Variants in LPXN observed in about 807,000 individuals in gnomAD.
The protein encoded by LPXN is leupaxin.
LPXN carries 28 observed loss-of-function variants against 45.6 expected under a neutral mutation model. That is an observed-to-expected ratio of 0.61 (90% CI 0.45 to 0.84). The LOEUF (loss-of-function observed/expected upper bound fraction) is 0.84, where lower values mean the gene tolerates loss of function less well. LPXN is among the 40% of genes least tolerant of loss of function. The probability of loss-of-function intolerance (pLI) is 0.00; values close to 1 mark genes in which losing one functional copy is unlikely to be tolerated. For missense variants in LPXN, 459 were observed against 475.0 expected (o/e 0.97, Z 0.31); for synonymous variants, 166 against 169.9 (o/e 0.98, Z 0.18).
rs200095059 is a variant in LPXN at position 58,570,646 on chromosome 11, A to T, written c.81T>A (p.Pro27=). Residue 27 remains proline, a synonymous_variant, in exon 2 of 9, where the codon CCT becomes CCA. Transcript: ENST00000395074. ...QDSDEYSNPA[P]LPLDQHSRKE... ...TTCTGGAATGCTGATCCAGGGGAAG[A>T]GGAGCTGGGTTGGAATATTCATCAC... 4 of 1,613,948 alleles carry T rather than the reference A, an allele frequency of 2.5e-6. No individual in the cohort carries two copies. The highest frequency in any genetic ancestry group is 3.4e-6 in the Non-Finnish European group (4 of 1,179,932).
upstream of LPXN, among the ~76,000 whole-genome samples, chr11:58,578,784 C>T (rs1855004840): frequency 6.6e-6 from 1 of 151,944 alleles, no homozygotes; most frequent in Admixed American, 6.5e-5. Flanking sequence ...TTTCTTCTCA[C>T]CCGCCTCCCT....
At chr11:58,550,178 G>A in intron 5 of LPXN, 32 bp from the exon 6 acceptor site, 1 of 1,601,644 alleles carries the variant, frequency 6.2e-7, no homozygotes, top group Admixed American at 1.7e-5. Context: ...GACACAGGAG[G>A]CCAGTTGAGT....
chr11:58,535,301 C>G (rs1853516512), intron 7 of LPXN, among the ~76,000 whole-genome samples: 1 of 152,160 alleles, frequency 6.6e-6, no homozygotes, highest in Admixed American at 6.5e-5. Context: ...AATCCAGCAG[C>G]ATATCAAAAA....
At chr11:58,555,692 T>TA (rs1854179442) in intron 3 of LPXN, among the ~76,000 whole-genome samples, 1 of 151,538 alleles carries the variant, frequency 6.6e-6, no homozygotes, top group Non-Finnish European at 1.5e-5. Context: ...ATTCTTGGGA[T>TA]AAAAAAATTA....
upstream of LPXN, chr11:58,578,366 T>A (rs556179204): frequency 1.1e-4 from 23 of 217,628 alleles, no homozygotes; most frequent in East Asian, 7.3e-4. Context: ...CATCTATTTT[T>A]CCTAAAGCCT....
intron 7 of LPXN, among the ~76,000 whole-genome samples, chr11:58,546,624 T>C (rs977323617): frequency 6.6e-6 from 1 of 152,066 alleles, no homozygotes; most frequent in Admixed American, 6.5e-5. Context: ...ATGGCCAGAG[T>C]ATCTTACCTG....
chr11:58,548,260 T>C (rs11229524), intron 7 of LPXN, among the ~76,000 whole-genome samples: 1,913 of 152,236 alleles, frequency 0.013, 21 homozygotes, highest in South Asian at 0.05. Context: ...GGTGGTAACA[T>C]GTATAAAACA....
chr11:58,567,324 T>A (rs1023620550), intron 2 of LPXN, among the ~76,000 whole-genome samples: 2 of 152,220 alleles, frequency 1.3e-5, no homozygotes, highest in African/African-American at 4.8e-5. Context: ...GACTAGGAAA[T>A]AAATTTTCAC....
intron 7 of LPXN, among the ~76,000 whole-genome samples, chr11:58,530,396 G>A (rs879627221): frequency 2.0e-5 from 3 of 152,194 alleles, no homozygotes; most frequent in Non-Finnish European, 4.4e-5. Flanking sequence ...GGCTTGAGCA[G>A]GTGGTTTTAC....
chr11:58,575,962 TAC>T (rs1378367980), upstream of LPXN: 12 of 1,420,778 alleles, frequency 8.4e-6, no homozygotes, highest in East Asian at 5.1e-5. Flanking sequence ...TTTCATAGGT[TAC>T]ACAGTTTTAA....
intron 7 of LPXN, among the ~76,000 whole-genome samples, chr11:58,530,064 G>A (rs1310859394): frequency 6.6e-6 from 1 of 152,224 alleles, no homozygotes; most frequent in Non-Finnish European, 1.5e-5. Flanking sequence ...TCCCTCTTGT[G>A]CCTACGCCAC....
At chr11:58,548,050 T>G (rs1321977879) in intron 7 of LPXN, among the ~76,000 whole-genome samples, 1 of 151,918 alleles carries the variant, frequency 6.6e-6, no homozygotes, top group Non-Finnish European at 1.5e-5. Context: ...TAAAAAAAAT[T>G]TAATAAAAAC....
At chr11:58,578,195 T>G, upstream of LPXN, 1 of 1,029,570 alleles carries the variant, frequency 9.7e-7, no homozygotes, top group Non-Finnish European at 1.4e-6. Flanking sequence ...AGACCAGCAA[T>G]TGGCTCGACG....
intron 7 of LPXN, among the ~76,000 whole-genome samples, chr11:58,534,297 A>G (rs185662264): frequency 5.9e-5 from 9 of 152,340 alleles, no homozygotes; most frequent in African/African-American, 2.2e-4. Context: ...CAGCAAATGC[A>G]AAAGAACAGA....
At chr11:58,547,877 T>C (rs1278617590) in intron 7 of LPXN, among the ~76,000 whole-genome samples, 2 of 152,106 alleles carry the variant, frequency 1.3e-5, no homozygotes, top group African/African-American at 2.4e-5. Flanking sequence ...ACTGAGTTCA[T>C]TCTAAAAGGA....
At chr11:58,551,566 T>C (rs1309172074) in intron 4 of LPXN, among the ~76,000 whole-genome samples, 1 of 152,226 alleles carries the variant, frequency 6.6e-6, no homozygotes, top group Non-Finnish European at 1.5e-5. Context: ...TTTACTCATT[T>C]ATTTGGCAAT....
chr11:58,530,628 C>T (rs1486510080), intron 7 of LPXN, among the ~76,000 whole-genome samples: 4 of 152,234 alleles, frequency 2.6e-5, no homozygotes, highest in African/African-American at 9.6e-5. Context: ...GGCACAGCTT[C>T]AGTAGACTTA....
intron 7 of LPXN, among the ~76,000 whole-genome samples, chr11:58,531,444 A>G (rs1440958932): frequency 6.6e-6 from 1 of 151,954 alleles, no homozygotes; most frequent in Non-Finnish European, 1.5e-5. Context: ...GATCAAGCAG[A>G]AGAAAGGATA....
intron 1 of LPXN, among the ~76,000 whole-genome samples, chr11:58,573,351 C>G (rs988443828): frequency 6.6e-6 from 1 of 152,054 alleles, no homozygotes; most frequent in African/African-American, 2.4e-5. Context: ...AGACCCCACA[C>G]CAAATTTGAG....
Sources: allele counts gnomAD v4.1 joint callset (sites outside exome capture counted in the v4.1 genomes callset), GRCh38; gene constraint gnomAD v4.1.1; transcripts MANE v1.5; gene names NCBI Gene and HGNC (gene_info 2026-07-23, HGNC 2026-07-21).